SNX29: variants seen among roughly 807,000 people sequenced by gnomAD.
SNX29 encodes sorting nexin-29.
Under a neutral mutation model 102.1 loss-of-function variants are expected in SNX29, and 78 were observed. The ratio of observed to expected loss-of-function variants is 0.76; its 90% CI spans 0.64 to 0.92. The LOEUF is 0.92. SNX29 is among the 40% of genes least tolerant of loss of function. The pLI, the probability that SNX29 is intolerant of heterozygous loss-of-function variation, is 0.00. For missense variants in SNX29, 1,280 were observed against 1,061.7 expected, an observed-to-expected ratio of 1.21 and a Z score of -2.86; for synonymous variants, 580 against 414.5, an observed-to-expected ratio of 1.40 and a Z score of -4.85.
intron 20 of SNX29, among the ~76,000 whole-genome samples, chr16:12,534,389 T>G (rs955183202): frequency 2.6e-5 from 4 of 152,248 alleles, no homozygotes; most frequent in Admixed American, 6.5e-5. Flanking sequence ...TGTGGCAGCT[T>G]CTTTTGCTTC....
chr16:12,012,113 A>G (rs1478044787), intron 3 of SNX29, among the ~76,000 whole-genome samples: 2 of 152,216 alleles, frequency 1.3e-5, no homozygotes, highest in Admixed American at 1.3e-4. Flanking sequence ...GCTGTCTTCA[A>G]GAAATTCAAA....
chr16:12,461,978 A>AAAAATATATATAT (rs1555544501), intron 18 of SNX29, among the ~76,000 whole-genome samples: 1 of 27,352 alleles, frequency 3.7e-5, no homozygotes. Flanking sequence ...AAAAAAAAAA[A>AAAAATATATATAT]ATATATATAT....
At chr16:12,544,432 C>A (rs548184324) in intron 20 of SNX29, among the ~76,000 whole-genome samples, 1 of 152,122 alleles carries the variant, frequency 6.6e-6, no homozygotes, top group Non-Finnish European at 1.5e-5. Flanking sequence ...GGGATTTGGA[C>A]GTTTCTCTTT....
intron 1 of SNX29, among the ~76,000 whole-genome samples, chr16:11,981,498 G>A (rs538802003): frequency 6.6e-6 from 1 of 152,172 alleles, no homozygotes; most frequent in South Asian, 2.1e-4. Context: ...TGCATTTGTT[G>A]TTGAAGGAAA....
intron 19 of SNX29, among the ~76,000 whole-genome samples, chr16:12,516,751 G>A (rs2089884485): frequency 6.6e-6 from 1 of 152,180 alleles, no homozygotes; most frequent in East Asian, 1.9e-4. Flanking sequence ...TGTCTGTCAC[G>A]TAGCTGACAC....
chr16:11,989,621 C>T (rs1408029439), intron 1 of SNX29, among the ~76,000 whole-genome samples: 1 of 152,198 alleles, frequency 6.6e-6, no homozygotes, highest in African/African-American at 2.4e-5. Context: ...TTTAAAGTAG[C>T]AACTTGGGGA....
At chr16:12,386,504 A>C (rs924323794) in intron 16 of SNX29, among the ~76,000 whole-genome samples, 3 of 152,178 alleles carry the variant, frequency 2.0e-5, no homozygotes, top group East Asian at 3.9e-4. Context: ...CACGCTCTTC[A>C]CTGCTCTGCC....
chr16:12,572,427 T>A lies in SNX29; in HGVS notation c.*3798T>A, dbSNP rs947873780. ...AGGGCTCTGTGGCCCAGGCCGGCAG[T>A]GGCTGCCTCTCTTGGTTCTGCATGG... On this transcript the variant is annotated 3_prime_UTR_variant, in exon 21 of 21. Coordinates refer to ENST00000566228, the MANE Select transcript of SNX29 (RefSeq NM_032167.5). The A allele has an allele frequency of 1.9e-6, 2 of 1,063,104 alleles. No individual in the cohort carries two copies. Among genetic ancestry groups the A allele is most frequent in the African/African-American group, 3.3e-5 (2 of 60,956 alleles). The allele number at this position is 1,063,104 out of a possible 1,614,324, so 65.9% of individuals were successfully genotyped here. A position where few individuals can be genotyped will look rare whatever the true frequency, so the allele number is the denominator to read the frequency against.
chr16:12,568,759 AACAGT>A lies in SNX29; in HGVS notation c.*131_*135del, dbSNP rs2141572644. The A allele has an allele frequency of 2.9e-6, 4 of 1,359,180 alleles. No homozygotes were observed. In the East Asian group the frequency reaches 1.0e-4, roughly 34 times the overall value. 84.2% of individuals were successfully genotyped at this position (1,359,180 alleles called of 1,614,324 possible). ...GTGATCCTGAGAGCACACGATTCCC[AACAGT>A]TACACAACACCCCGATTAAACTAAT... On this transcript the variant is annotated 3_prime_UTR_variant, in exon 21 of 21. Transcript: ENST00000566228.
rs371463158 is a variant in SNX29 at position 11,999,257 on chromosome 16, G to A, written c.8-40G>A. On this transcript the variant is annotated intron_variant, in intron 1 of 20. Coordinates refer to ENST00000566228, the MANE Select transcript of SNX29 (RefSeq NM_032167.5). Reference sequence around the variant, plus strand: ...GATCTAGTTGGGGACAGCCGTGTCCGAGCGTCAGAGAGAACTAATTAAGCC... The same window carrying A: ...GATCTAGTTGGGGACAGCCGTGTCCAAGCGTCAGAGAGAACTAATTAAGCC... 72 of 1,604,350 alleles carry A rather than the reference G, an allele frequency of 4.5e-5. No individual in the cohort carries two copies. In the Admixed American group the frequency reaches 7.7e-4, roughly 17 times the overall value.
intron 18 of SNX29, among the ~76,000 whole-genome samples, chr16:12,410,303 TC>T (rs1388198033): frequency 6.6e-6 from 1 of 152,152 alleles, no homozygotes; most frequent in Non-Finnish European, 1.5e-5. Flanking sequence ...CGCGTTTTTT[TC>T]TTCTAGAATA....
chr16:12,080,794 C>A (rs1226757042), intron 11 of SNX29, among the ~76,000 whole-genome samples: 1 of 151,584 alleles, frequency 6.6e-6, no homozygotes, highest in Non-Finnish European at 1.5e-5. Flanking sequence ...TGGGTTCAAG[C>A]GATTCTCCTG....
chr16:12,493,542 G>C (rs375039694), intron 19 of SNX29, among the ~76,000 whole-genome samples: 2 of 152,134 alleles, frequency 1.3e-5, no homozygotes, highest in Admixed American at 6.6e-5. Flanking sequence ...TCTCCTGCCT[G>C]ATTGCCCTGG....
chr16:12,030,633 C>T (rs1416633058), intron 4 of SNX29, among the ~76,000 whole-genome samples: 1 of 152,132 alleles, frequency 6.6e-6, no homozygotes, highest in African/African-American at 2.4e-5. Flanking sequence ...CAGCTCTGAC[C>T]CACTTTGCAC....
At position 12,055,233 on chromosome 16, in the gene SNX29, T is replaced by TTA. The variant is rs2050471239; in HGVS notation, c.1124+3012_1124+3013insAT. Among the ~76,000 whole-genome samples the TTA allele has an allele frequency of 1.6e-5, 2 of 124,944 alleles. 1 individual carries two copies. The highest frequency in any genetic ancestry group is 4.5e-4 in the South Asian group (2 of 4,404). The allele number at this position is 124,944 out of a possible 152,430, so 82.0% of individuals were successfully genotyped here. The stretch of plus-strand genomic sequence containing the variant: ...CTCTGTTTCTGTGTCTCTGTTTCCT[T>TTA]TCTTTTTTTTTTTTTTCTGAGATGG... On this transcript the variant is annotated intron_variant, in intron 8 of 20. Transcript: ENST00000566228.
At chr16:12,010,840 C>A (rs1466179579) in intron 3 of SNX29, among the ~76,000 whole-genome samples, 2 of 151,822 alleles carry the variant, frequency 1.3e-5, no homozygotes, top group African/African-American at 4.8e-5. Flanking sequence ...CTTTGTTGTT[C>A]CTGATGTTAT....
chr16:12,342,000 C>T (rs1294625211), intron 15 of SNX29, among the ~76,000 whole-genome samples: 2 of 152,200 alleles, frequency 1.3e-5, no homozygotes, highest in Non-Finnish European at 2.9e-5. Flanking sequence ...ACCCCAGCTT[C>T]ATAGATGCTG....
rs56358290 is a variant in SNX29, at chr16:12,355,843, TAAAAAAAAAAAAAAAAAAA to T, written c.1783-305_1783-287del. Among the ~76,000 whole-genome samples, 13 of 85,582 alleles carry T rather than the reference TAAAAAAAAAAAAAAAAAAA, an allele frequency of 1.5e-4. 1 individual carries two copies. Among genetic ancestry groups the T allele is most frequent in the Admixed American group, 1.3e-3 (8 of 6,140 alleles). The allele number at this position is 85,582 out of a possible 152,430, so 56.1% of individuals were successfully genotyped here. ...TGACCTTGACAGAGCGAGATCTTAT[TAAAAAAAAAAAAAAAAAAA>T]AAAAAAAAAAAAAAGAGAGAGGAAA... On this transcript the variant is annotated intron_variant, in intron 15 of 20. Coordinates refer to ENST00000566228, the MANE Select transcript of SNX29 (RefSeq NM_032167.5).
intron 19 of SNX29, chr16:12,515,530 A>G (rs1444860936): frequency 8.2e-6 from 4 of 490,744 alleles, no homozygotes; most frequent in Non-Finnish European, 1.6e-5. Flanking sequence ...TCCTGCCTGG[A>G]TGACTGCAGC....
Sources: allele counts gnomAD v4.1 joint callset (sites outside exome capture counted in the v4.1 genomes callset), GRCh38; gene constraint gnomAD v4.1.1; transcripts MANE v1.5; gene names NCBI Gene and HGNC (gene_info 2026-07-23, HGNC 2026-07-21).